MAPK4: variants seen among roughly 807,000 people sequenced by gnomAD.
MAPK4 encodes the protein mitogen-activated protein kinase 4, also known as Erk3-related.
MAPK4 carries 22 observed loss-of-function variants against 47.7 expected under a neutral mutation model. That is an observed-to-expected ratio of 0.46 (90% CI 0.33 to 0.66). The LOEUF (loss-of-function observed/expected upper bound fraction) is 0.66, where lower values mean the gene tolerates loss of function less well. Among genes scored for constraint, MAPK4 ranks in the 30% least tolerant of loss-of-function variants. The pLI, the probability that MAPK4 is intolerant of heterozygous loss-of-function variation, is 0.02. For synonymous variants in MAPK4, 390 were observed against 365.7 expected (o/e 1.07, Z -0.76); for missense variants, 736 against 831.7 (o/e 0.88, Z 1.42).
chr18:50,710,893 G>C (rs548299448), intron 2 of MAPK4, among the ~76,000 whole-genome samples: 2 of 152,182 alleles, frequency 1.3e-5, no homozygotes, highest in Non-Finnish European at 2.9e-5. Context: ...AAGTTTATTG[G>C]ATTGAGCCTT....
At chr18:50,660,537 A>C (rs2043159225) in intron 1 of MAPK4, among the ~76,000 whole-genome samples, 1 of 152,214 alleles carries the variant, frequency 6.6e-6, no homozygotes, top group Non-Finnish European at 1.5e-5. Context: ...CTACTTGTGA[A>C]GCTTACAGTC....
intron 1 of MAPK4, among the ~76,000 whole-genome samples, chr18:50,575,640 C>T (rs539141984): frequency 6.6e-6 from 1 of 152,006 alleles, no homozygotes; most frequent in South Asian, 2.1e-4. Context: ...CAAATGGAAC[C>T]TAATTAAACT....
In MAPK4 at chr18:50,617,139, A is replaced by C. The variant is rs150092085; in HGVS notation, c.-870-45950A>C. Among the ~76,000 whole-genome samples the C allele has an allele frequency of 1.9e-3, 286 of 152,294 alleles. 1 individual carries two copies. Among genetic ancestry groups the C allele is most frequent in the African/African-American group, 6.7e-3 (278 of 41,568 alleles). On this transcript the variant is annotated intron_variant, in intron 1 of 5. Coordinates refer to ENST00000400384, the MANE Select transcript of MAPK4 (RefSeq NM_002747.4). ...AGGACCCTTTGATGAGGGAATAATTATTACTGGATTTTTCCCTTTGCTCTT... is the reference window on the plus strand; with the variant it reads ...AGGACCCTTTGATGAGGGAATAATTCTTACTGGATTTTTCCCTTTGCTCTT...
chr18:50,575,792 CAA>C (rs540138636), intron 1 of MAPK4, among the ~76,000 whole-genome samples: 1,326 of 70,138 alleles, frequency 0.019, 18 homozygotes, highest in African/African-American at 0.058. Context: ...AATCAACAAG[CAA>C]AAAAAAAAAA....
Position 50,721,959 on chromosome 18 carries a change from T to C in MAPK4, c.713T>C (p.Met238Thr). The C allele has an allele frequency of 6.2e-7, 1 of 1,614,136 alleles. No homozygotes were observed. Among genetic ancestry groups the C allele is most frequent in the Non-Finnish European group, 8.5e-7 (1 of 1,180,030 alleles). ...LFAGAHELEQ[M>T]QLILETIPVI... ...CCAGGGGCCCATGAGCTGGAGCAGA[T>C]GCAACTCATCCTGGAGACCATCCCT... The change falls in exon 4 of 6, where the codon ATG (methionine) becomes ACG (threonine). Residue 238 changes from methionine to threonine, a missense_variant. By Grantham distance (81) the Met-to-Thr change is moderately conservative. This residue lies in a region of MAPK4 where 327 missense variants were observed against 395.4 expected (regional missense o/e 0.83). Coordinates refer to ENST00000400384, the MANE Select transcript of MAPK4 (RefSeq NM_002747.4).
At chr18:50,690,647 A>C (rs180887043) in intron 2 of MAPK4, among the ~76,000 whole-genome samples, 1 of 152,370 alleles carries the variant, frequency 6.6e-6, no homozygotes, top group Admixed American at 6.5e-5. Context: ...TTTTGGAAAA[A>C]GAAAGTCTAT....
intron 1 of MAPK4, among the ~76,000 whole-genome samples, chr18:50,581,101 C>T (rs147248496): frequency 5.9e-5 from 9 of 152,306 alleles, no homozygotes; most frequent in South Asian, 2.1e-4. Flanking sequence ...CTAAAATGCA[C>T]GAGTGCTTTT....
chr18:50,587,974 A>C (rs2042403420), intron 1 of MAPK4, among the ~76,000 whole-genome samples: 1 of 151,928 alleles, frequency 6.6e-6, no homozygotes, highest in African/African-American at 2.4e-5. Context: ...CACGTGATCC[A>C]ACCACCTCAG....
At chr18:50,599,451 C>T (rs749694674) in intron 1 of MAPK4, among the ~76,000 whole-genome samples, 10 of 152,068 alleles carry the variant, frequency 6.6e-5, no homozygotes, top group Non-Finnish European at 8.8e-5. Flanking sequence ...GACGGAGTCC[C>T]GCTGTCGCCC....
chr18:50,694,662 G>T (rs1165046392), intron 2 of MAPK4, among the ~76,000 whole-genome samples: 1 of 152,180 alleles, frequency 6.6e-6, no homozygotes, highest in African/African-American at 2.4e-5. Flanking sequence ...TCAGGAAGTT[G>T]TTTGAGTAGA....
chr18:50,577,786 G>A (rs983556756), intron 1 of MAPK4, among the ~76,000 whole-genome samples: 4 of 152,132 alleles, frequency 2.6e-5, no homozygotes, highest in Middle Eastern at 3.2e-3. Flanking sequence ...TTCAGCTCAC[G>A]ACCACAGCCT....
intron 1 of MAPK4, among the ~76,000 whole-genome samples, chr18:50,576,223 C>G (rs903260825): frequency 2.0e-5 from 3 of 151,982 alleles, no homozygotes; most frequent in African/African-American, 7.2e-5. Flanking sequence ...TTCACAATAG[C>G]AAAAAATGGG....
chr18:50,622,931 C>T (rs1476349029), intron 1 of MAPK4, among the ~76,000 whole-genome samples: 1 of 152,202 alleles, frequency 6.6e-6, no homozygotes, highest in Non-Finnish European at 1.5e-5. Flanking sequence ...GATACATAGT[C>T]TCATTTCACA....
Position 50,709,883 on chromosome 18 carries a change from C to T in MAPK4, c.547-5196C>T, listed in dbSNP as rs1324766998. Among the ~76,000 whole-genome samples, 9 of 152,222 alleles carry T rather than the reference C, an allele frequency of 5.9e-5. No individual in the cohort carries two copies. In the East Asian group the frequency reaches 1.7e-3, roughly 29 times the overall value. ...TTACTTCCTGGTCCTTACATTTTTT[C>T]CATATTAACATTTCATCTCTCTAAC... On this transcript the variant is annotated intron_variant, in intron 2 of 5. Coordinates refer to ENST00000400384, the MANE Select transcript of MAPK4 (RefSeq NM_002747.4).
intron 2 of MAPK4, among the ~76,000 whole-genome samples, chr18:50,695,220 A>T (rs557111064): frequency 1.1e-3 from 168 of 151,770 alleles, no homozygotes; most frequent in African/African-American, 3.9e-3. Context: ...GTGGCACATG[A>T]CTGTAATCCC....
intron 1 of MAPK4, among the ~76,000 whole-genome samples, chr18:50,569,187 T>C (rs2042228700): frequency 6.6e-6 from 1 of 152,244 alleles, no homozygotes. Flanking sequence ...ATACCATGTG[T>C]CATTCATTTT....
chr18:50,628,477 A>G (rs1178257360), intron 1 of MAPK4, among the ~76,000 whole-genome samples: 2 of 152,208 alleles, frequency 1.3e-5, no homozygotes, highest in African/African-American at 4.8e-5. Context: ...CCCGTTAAGC[A>G]CACGCAACGC....
chr18:50,588,060 C>G (rs1292618074), intron 1 of MAPK4, among the ~76,000 whole-genome samples: 1 of 152,108 alleles, frequency 6.6e-6, no homozygotes, highest in African/African-American at 2.4e-5. Flanking sequence ...CAGTATTTCT[C>G]AGTGTCTTTT....
chr18:50,582,281 G>A (rs994159250), intron 1 of MAPK4, among the ~76,000 whole-genome samples: 4 of 152,172 alleles, frequency 2.6e-5, no homozygotes, highest in Admixed American at 2.6e-4. Flanking sequence ...GTGGTACAGC[G>A]AGGATGCTCA....
Sources: allele counts gnomAD v4.1 joint callset (sites outside exome capture counted in the v4.1 genomes callset), GRCh38; gene constraint gnomAD v4.1.1; regional missense constraint gnomAD v4.1.1; transcripts MANE v1.5; gene names NCBI Gene and HGNC (gene_info 2026-07-23, HGNC 2026-07-21).